ZNF362: variants seen among roughly 807,000 people sequenced by gnomAD.
ZNF362 encodes the protein rotund homolog.
ZNF362 carries 11 observed loss-of-function variants against 42.9 expected under a neutral mutation model. That is an observed-to-expected ratio of 0.26 (90% CI 0.16 to 0.42). The LOEUF (loss-of-function observed/expected upper bound fraction) is 0.42. Among genes scored for constraint, ZNF362 ranks in the 20% least tolerant of loss-of-function variants. The probability of loss-of-function intolerance (pLI) is 1.00; values close to 1 mark genes in which losing one functional copy is unlikely to be tolerated. For missense variants in ZNF362, 362 were observed against 576.2 expected, an observed-to-expected ratio of 0.63 and a Z score of 3.81; for synonymous variants, 255 against 257.3, an observed-to-expected ratio of 0.99 and a Z score of 0.09.
At chr1:33,138,349 C>T in the ZNF362 span, among the ~76,000 whole-genome samples, 3 of 152,022 alleles carry the variant, frequency 2.0e-5, no homozygotes, top group Non-Finnish European at 4.4e-5. Context: ...GTTTGATTTA[C>T]GTAGAATAGA....
At chr1:33,146,980 C>T in the ZNF362 span, 25 of 621,978 alleles carry the variant, frequency 4.0e-5, no homozygotes, top group South Asian at 4.8e-4. Flanking sequence ...GTCAGAGCTA[C>T]AGAACATCGA....
chr1:33,207,607 C>T, the ZNF362 span, among the ~76,000 whole-genome samples: 4 of 152,206 alleles, frequency 2.6e-5, no homozygotes, highest in Non-Finnish European at 4.4e-5. Flanking sequence ...TCCTCTCCAG[C>T]ATCTGTTGTT....
At chr1:33,204,820 T>C in the ZNF362 span, among the ~76,000 whole-genome samples, 11 of 152,186 alleles carry the variant, frequency 7.2e-5, no homozygotes, top group Non-Finnish European at 1.5e-5. Flanking sequence ...TTGGTAAGGC[T>C]TCAGGATACA....
the ZNF362 span, among the ~76,000 whole-genome samples, chr1:33,167,929 G>T: frequency 6.6e-6 from 1 of 152,234 alleles, no homozygotes; most frequent in Non-Finnish European, 1.5e-5. This position sits in a 1 kb window ranked among gnomAD's most constrained non-coding sequence, Gnocchi z 4.2. Context: ...GAGGCACTGG[G>T]ATTATGGCGA....
chr1:33,189,244 G>A, the ZNF362 span, among the ~76,000 whole-genome samples: 1 of 152,058 alleles, frequency 6.6e-6, no homozygotes, highest in East Asian at 1.9e-4. Context: ...CTGTCACCTG[G>A]TCATCAGGAA....
the ZNF362 span, among the ~76,000 whole-genome samples, chr1:33,179,237 G>C: frequency 1.3e-5 from 2 of 152,242 alleles, no homozygotes; most frequent in Non-Finnish European, 2.9e-5. Context: ...CCTTGTGCAG[G>C]CTCCCAGAGG....
the ZNF362 span, chr1:33,158,169 C>T: frequency 1.6e-6 from 2 of 1,279,518 alleles, no homozygotes; most frequent in Admixed American, 1.7e-5. Context: ...ACCCCAACTG[C>T]CCCATGCTGT....
chr1:33,240,878 A>G, the ZNF362 span, among the ~76,000 whole-genome samples: 2 of 152,196 alleles, frequency 1.3e-5, no homozygotes, highest in Non-Finnish European at 2.9e-5. Flanking sequence ...AAATGTGCCC[A>G]TGCTTTTCAA....
chr1:33,174,809 G>T, the ZNF362 span, among the ~76,000 whole-genome samples: 14 of 151,924 alleles, frequency 9.2e-5, no homozygotes, highest in Non-Finnish European at 1.8e-4. Context: ...GACCACACAG[G>T]GCCAGGTCTT....
chr1:33,222,618 T>C, the ZNF362 span, among the ~76,000 whole-genome samples: 1 of 152,226 alleles, frequency 6.6e-6, no homozygotes, highest in Non-Finnish European at 1.5e-5. Context: ...ATCTACCTTG[T>C]AGTGTCATCC....
At chr1:33,161,727 C>G in the ZNF362 span, among the ~76,000 whole-genome samples, 4 of 152,204 alleles carry the variant, frequency 2.6e-5, no homozygotes, top group African/African-American at 9.7e-5. The surrounding 1 kb of genome is among the most constrained non-coding windows in gnomAD (Gnocchi z 4.3). Flanking sequence ...CCTGCACCAC[C>G]TGGAGCTGCC....
At chr1:33,138,292 C>A in the ZNF362 span, among the ~76,000 whole-genome samples, 1 of 152,082 alleles carries the variant, frequency 6.6e-6, no homozygotes, top group South Asian at 2.1e-4. Context: ...GAATAACAAT[C>A]TTTTATTAAG....
the ZNF362 span, among the ~76,000 whole-genome samples, chr1:33,194,317 C>T: frequency 6.6e-6 from 1 of 152,024 alleles, no homozygotes; most frequent in African/African-American, 2.4e-5. Context: ...TGGTGGATTG[C>T]TTAAGCCCAG....
At chr1:33,222,010 A>T in the ZNF362 span, among the ~76,000 whole-genome samples, 1 of 152,310 alleles carries the variant, frequency 6.6e-6, no homozygotes, top group South Asian at 2.1e-4. Flanking sequence ...ACAGAAAGAA[A>T]GAGTGAGGTA....
At chr1:33,158,481 A>C in the ZNF362 span, 21 of 772,284 alleles carry the variant, frequency 2.7e-5, no homozygotes, top group African/African-American at 3.2e-4. Context: ...CATGAGTGAG[A>C]AGTCTGTGGG....
At chr1:33,263,297 A>C (rs186765198) in intron 1 of ZNF362, among the ~76,000 whole-genome samples, 2 of 152,286 alleles carry the variant, frequency 1.3e-5, no homozygotes, top group Admixed American at 1.3e-4. Context: ...TTGAGCATTT[A>C]CTATATCCAG....
the ZNF362 span, among the ~76,000 whole-genome samples, chr1:33,184,479 C>A: frequency 6.6e-6 from 1 of 152,198 alleles, no homozygotes; most frequent in Non-Finnish European, 1.5e-5. Context: ...TGACTAAAAT[C>A]TTTCTAATAG....
At chr1:33,159,120 C>G in the ZNF362 span, among the ~76,000 whole-genome samples, 1 of 152,078 alleles carries the variant, frequency 6.6e-6, no homozygotes, top group South Asian at 2.1e-4. The surrounding 1 kb of genome is among the most constrained non-coding windows in gnomAD (Gnocchi z 4.2). Flanking sequence ...GCTGGGATTA[C>G]AGGTGTGAGC....
At chr1:33,269,379 C>G (rs1645885761) in intron 1 of ZNF362, among the ~76,000 whole-genome samples, 1 of 152,208 alleles carries the variant, frequency 6.6e-6, no homozygotes, top group Non-Finnish European at 1.5e-5. Flanking sequence ...TGCCTTGCTC[C>G]CAGCCTCCCT....
Sources: gnomAD v4.1 joint callset for allele counts (sites outside exome capture counted in the v4.1 genomes callset) on GRCh38, gnomAD v4.1.1 for gene constraint, Gnocchi (gnomAD v3.1) non-coding constraint, MANE v1.5 for transcripts, NCBI Gene and HGNC (gene_info 2026-07-23, HGNC 2026-07-21) for gene names.